Variants in DPP6 observed in about 807,000 individuals in gnomAD.
DPP6 encodes the protein A-type potassium channel modulatory protein DPP6.
A neutral mutation model predicts 122.6 loss-of-function variants in DPP6; 69 were observed. The ratio of observed to expected loss-of-function variants is 0.56; its 90% CI spans 0.46 to 0.69. The LOEUF is 0.69. DPP6 is among the 30% of genes least tolerant of loss of function. The pLI is 0.00. For missense variants in DPP6, 928 were observed against 1,116.9 expected, an observed-to-expected ratio of 0.83 and a Z score of 2.41; for synonymous variants, 418 against 433.1, an observed-to-expected ratio of 0.97 and a Z score of 0.43.
intron 13 of DPP6, 63 bp downstream of exon 13, chr7:154,801,525 AGCCT>A (rs1406551645): frequency 2.1e-5 from 31 of 1,506,534 alleles, no homozygotes; most frequent in Non-Finnish European, 2.6e-5. Context: ...GTGGGGTGAC[AGCCT>A]CTAGGGCTGG....
chr7:154,705,944 G>A (rs2131283979), intron 7 of DPP6, among the ~76,000 whole-genome samples: 1 of 152,344 alleles, frequency 6.6e-6, no homozygotes, highest in Non-Finnish European at 1.5e-5. Context: ...AGGGTTGGAA[G>A]GCCTGTGAAG....
At chr7:153,762,861 C>CT in the DPP6 span, among the ~76,000 whole-genome samples, 31 of 152,254 alleles carry the variant, frequency 2.0e-4, no homozygotes, top group East Asian at 4.3e-3. Context: ...CTGTCTCCTC[C>CT]TAGATACACA....
chr7:154,270,433 A>G (rs1047404996), intron 1 of DPP6, among the ~76,000 whole-genome samples: 5 of 152,218 alleles, frequency 3.3e-5, no homozygotes, highest in Non-Finnish European at 5.9e-5. Flanking sequence ...TCGTTGGCAG[A>G]GTAACAACAT....
intron 21 of DPP6, 177 bp from the exon 22 acceptor site, chr7:154,885,456 G>C: frequency 1.3e-6 from 1 of 795,396 alleles, no homozygotes; most frequent in Non-Finnish European, 1.9e-6. Context: ...AGTTGGAAGG[G>C]AGTTTGCTTT....
At chr7:154,003,473 AAC>A (rs1402258656) in intron 1 of DPP6, among the ~76,000 whole-genome samples, 3 of 152,244 alleles carry the variant, frequency 2.0e-5, no homozygotes, top group African/African-American at 4.8e-5. Context: ...ACACTCTCCT[AAC>A]ACAGAGTCCT....
intron 1 of DPP6, among the ~76,000 whole-genome samples, chr7:153,961,386 A>G (rs1234035201): frequency 6.6e-6 from 1 of 151,328 alleles, no homozygotes. Flanking sequence ...CTGTGTAGGC[A>G]GAGTGGGCAG....
intron 5 of DPP6, among the ~76,000 whole-genome samples, chr7:154,599,559 G>C (rs555648321): frequency 2.8e-4 from 43 of 151,126 alleles, no homozygotes; most frequent in Admixed American, 1.5e-3. Context: ...TGTGCACAAC[G>C]TGCAGGTTTG....
chr7:154,029,650 T>C (rs1460676404), intron 1 of DPP6, among the ~76,000 whole-genome samples: 1 of 145,006 alleles, frequency 6.9e-6, no homozygotes, highest in Non-Finnish European at 1.5e-5. Flanking sequence ...ATCGAGACCA[T>C]CCTGGCTAAC....
intron 3 of DPP6, among the ~76,000 whole-genome samples, chr7:154,502,026 T>C (rs1825296826): frequency 6.6e-6 from 1 of 152,118 alleles, no homozygotes; most frequent in Non-Finnish European, 1.5e-5. Context: ...AAAAAGATCA[T>C]TTTGGAGCTT....
intron 1 of DPP6, among the ~76,000 whole-genome samples, chr7:154,012,667 T>G (rs1798203747): frequency 6.6e-6 from 1 of 152,132 alleles, no homozygotes; most frequent in Admixed American, 6.5e-5. Context: ...AGTATACCTT[T>G]TCATTTAAAT....
intron 1 of DPP6, among the ~76,000 whole-genome samples, chr7:154,411,094 G>C (rs1381573107): frequency 2.6e-5 from 4 of 152,142 alleles, no homozygotes; most frequent in African/African-American, 9.7e-5. Flanking sequence ...CTCCACCTTT[G>C]CTTAAACCTA....
the DPP6 span, among the ~76,000 whole-genome samples, chr7:153,809,926 C>T: frequency 6.6e-6 from 1 of 151,594 alleles, no homozygotes; most frequent in South Asian, 2.1e-4. Context: ...CATTATTTTT[C>T]AGCCTATTCT....
intron 8 of DPP6, among the ~76,000 whole-genome samples, chr7:154,750,587 G>A (rs1339317068): frequency 1.3e-5 from 2 of 152,234 alleles, no homozygotes; most frequent in Non-Finnish European, 2.9e-5. Flanking sequence ...GGGCAGAGCT[G>A]AAGGGTGGCG....
At chr7:154,805,005 G>A (rs1174387792) in intron 15 of DPP6, 41 bp downstream of exon 15, 1 of 1,570,462 alleles carries the variant, frequency 6.4e-7, no homozygotes, top group East Asian at 2.3e-5. Context: ...CTCCCCCTTA[G>A]GAGGGCATCC....
intron 9 of DPP6, among the ~76,000 whole-genome samples, chr7:154,770,235 T>A (rs1796175079): frequency 6.6e-6 from 1 of 152,108 alleles, no homozygotes; most frequent in African/African-American, 2.4e-5. Context: ...GGCCTCACGA[T>A]CATGTCAGAA....
intron 3 of DPP6, among the ~76,000 whole-genome samples, chr7:154,529,729 G>A (rs1827689366): frequency 6.6e-6 from 1 of 151,930 alleles, no homozygotes; most frequent in Non-Finnish European, 1.5e-5. Context: ...AACCAAATGG[G>A]GACTTATAAA....
chr7:154,452,954 CTT>C, intron 2 of DPP6, among the ~76,000 whole-genome samples: 1 of 152,298 alleles, frequency 6.6e-6, no homozygotes, highest in Non-Finnish European at 1.5e-5. Context: ...GGTCCATGCT[CTT>C]TTCTAAATTT....
At chr7:154,453,523 A>T (rs982380346) in intron 2 of DPP6, among the ~76,000 whole-genome samples, 2 of 149,626 alleles carry the variant, frequency 1.3e-5, no homozygotes, top group Admixed American at 1.3e-4. Context: ...TAGGATATAT[A>T]TTATATATTT....
At chr7:153,930,279 C>T (rs745330671) in intron 1 of DPP6, among the ~76,000 whole-genome samples, 5 of 152,156 alleles carry the variant, frequency 3.3e-5, no homozygotes, top group African/African-American at 4.8e-5. Context: ...TATTTCACCC[C>T]TTCCTACAAC....
Sources: allele counts gnomAD v4.1 joint callset (sites outside exome capture counted in the v4.1 genomes callset), GRCh38; gene constraint gnomAD v4.1.1; transcripts MANE v1.5; gene names NCBI Gene and HGNC (gene_info 2026-07-23, HGNC 2026-07-21).